GPC5: variants seen among roughly 807,000 people sequenced by gnomAD.
GPC5 encodes the protein glypican 5.
GPC5 carries 47 observed loss-of-function variants against 53.9 expected under a neutral mutation model. The observed-to-expected ratio is 0.87, with a 90% confidence interval of 0.69 to 1.11. The LOEUF (loss-of-function observed/expected upper bound fraction) is 1.11. Among genes scored for constraint, GPC5 ranks in the 50% most tolerant of loss-of-function variants. The probability of loss-of-function intolerance (pLI) is 0.00; values close to 1 mark genes in which losing one functional copy is unlikely to be tolerated. For synonymous variants in GPC5, 286 were observed against 263.3 expected, an observed-to-expected ratio of 1.09 and a Z score of -0.84; for missense variants, 748 against 713.1, an observed-to-expected ratio of 1.05 and a Z score of -0.56.
chr13:91,411,557 A>G (rs550080790), intron 1 of GPC5, among the ~76,000 whole-genome samples: 3 of 152,266 alleles, frequency 2.0e-5, no homozygotes, highest in African/African-American at 7.2e-5. Context: ...CATAGGTCTC[A>G]CCTTTATAGA....
intron 4 of GPC5, among the ~76,000 whole-genome samples, chr13:91,751,415 T>C (rs2037174166): frequency 6.6e-6 from 1 of 152,224 alleles, no homozygotes; most frequent in African/African-American, 2.4e-5. Context: ...AACAATAACA[T>C]TGTGTTTCTG....
chr13:92,436,811 A>T (rs1877324102), intron 7 of GPC5, among the ~76,000 whole-genome samples: 1 of 152,146 alleles, frequency 6.6e-6, no homozygotes, highest in Non-Finnish European at 1.5e-5. Flanking sequence ...CATTGTGACT[A>T]ATTTATCCTT....
chr13:92,475,274 T>G (rs1160184713), intron 7 of GPC5, among the ~76,000 whole-genome samples: 1 of 147,666 alleles, frequency 6.8e-6, no homozygotes, highest in Non-Finnish European at 1.5e-5. Flanking sequence ...TGGCATTGAA[T>G]CTGTAAATTA....
intron 2 of GPC5, among the ~76,000 whole-genome samples, chr13:91,628,476 A>ATCTGTCTGTCTG (rs1030798499): frequency 6.1e-4 from 24 of 39,288 alleles, no homozygotes; most frequent in African/African-American, 1.0e-3. Context: ...TATCATTTGT[A>ATCTGTCTGTCTG]TCTATCTGTC....
At chr13:91,543,176 A>G (rs1250950355) in intron 2 of GPC5, among the ~76,000 whole-genome samples, 2 of 151,722 alleles carry the variant, frequency 1.3e-5, no homozygotes, top group Non-Finnish European at 2.9e-5. Flanking sequence ...TATTTTTAAT[A>G]GAGACCTGGA....
At chr13:92,087,923 T>A (rs1393718770) in intron 6 of GPC5, among the ~76,000 whole-genome samples, 1 of 151,654 alleles carries the variant, frequency 6.6e-6, no homozygotes, top group Non-Finnish European at 1.5e-5. Context: ...TGCTATTCTC[T>A]AGCTTCCAAC....
chr13:92,094,112 C>T (rs542633786), intron 6 of GPC5, among the ~76,000 whole-genome samples: 39 of 152,062 alleles, frequency 2.6e-4, no homozygotes, highest in East Asian at 5.8e-4. Context: ...TCAATTATTA[C>T]GCCAATGATT....
rs573454400 is a variant in GPC5 at position 91,921,063 on chromosome 13, A to G, written c.1401+13006A>G. 4.7e-5 allele frequency among the ~76,000 whole-genome samples: 7 copies of G among 148,606 alleles called. No homozygotes were observed. The South Asian group carries it at 1.3e-3, about 27-fold the overall frequency. ...GTGATTCTTAAGCCTCAGCCTCCCC[A>G]GTAGCTGTGATTACAGAAGTGCACC... is the stretch of plus-strand genomic sequence containing the variant. On this transcript the variant is annotated intron_variant, in intron 6 of 7. Coordinates refer to ENST00000377067, the MANE Select transcript of GPC5 (RefSeq NM_004466.6).
At chr13:91,539,169 A>G (rs972859295) in intron 2 of GPC5, among the ~76,000 whole-genome samples, 7 of 152,200 alleles carry the variant, frequency 4.6e-5, no homozygotes, top group Non-Finnish European at 1.0e-4. Context: ...TCTTTTTGAA[A>G]ATTATGCTTT....
In GPC5 at chr13:91,478,770, G is replaced by A. The variant is rs1181991799; in HGVS notation, c.325+29848G>A. Among the ~76,000 whole-genome samples, 10 of 130,076 alleles carry A rather than the reference G, an allele frequency of 7.7e-5. 1 individual carries two copies. Among genetic ancestry groups the A allele is most frequent in the Admixed American group, 5.9e-4 (7 of 11,922 alleles). The allele number at this position is 130,076 out of a possible 152,430, so 85.3% of individuals were successfully genotyped here. On this transcript the variant is annotated intron_variant, in intron 2 of 7. Coordinates refer to ENST00000377067, the MANE Select transcript of GPC5 (RefSeq NM_004466.6). Reference sequence around the variant, plus strand: ...TGCTCACTAGCAATGTGGCTTTGGTGAAGTTACTTATCCTCCATTTGAGTT... The same window carrying A: ...TGCTCACTAGCAATGTGGCTTTGGTAAAGTTACTTATCCTCCATTTGAGTT...
intron 2 of GPC5, among the ~76,000 whole-genome samples, chr13:91,531,366 T>G (rs891012186): frequency 6.6e-6 from 1 of 151,500 alleles, no homozygotes; most frequent in African/African-American, 2.4e-5. Context: ...GCGAAGAACA[T>G]AGGGGTTTTT....
intron 7 of GPC5, among the ~76,000 whole-genome samples, chr13:92,798,629 T>G (rs569024628): frequency 9.2e-5 from 14 of 151,998 alleles, no homozygotes; most frequent in Non-Finnish European, 1.9e-4. Context: ...TATCTGTTTC[T>G]AATTTAATGT....
At chr13:91,631,733 A>G (rs1446569657) in intron 2 of GPC5, among the ~76,000 whole-genome samples, 7 of 152,234 alleles carry the variant, frequency 4.6e-5, no homozygotes, top group Non-Finnish European at 8.8e-5. Flanking sequence ...TTATGGACTC[A>G]AGGAGGAACC....
At chr13:92,421,722 T>TAAAAAAAAAAAAAAAAAAAAAAAAAAA (rs1876578193) in intron 7 of GPC5, among the ~76,000 whole-genome samples, 1 of 112,114 alleles carries the variant, frequency 8.9e-6, no homozygotes, top group African/African-American at 3.9e-5. Flanking sequence ...AAAAAAAAAG[T>TAAAAAAAAAAAAAAAAAAAAAAAAAAA]TTAATTGGCT....
intron 7 of GPC5, among the ~76,000 whole-genome samples, chr13:92,715,975 T>C (rs1443442000): frequency 6.6e-6 from 1 of 152,238 alleles, no homozygotes; most frequent in East Asian, 1.9e-4. Flanking sequence ...ACATGTAGTT[T>C]ACTTATTATT....
intron 7 of GPC5, among the ~76,000 whole-genome samples, chr13:92,433,105 T>A (rs1877165657): frequency 6.6e-6 from 1 of 152,158 alleles, no homozygotes; most frequent in Admixed American, 6.5e-5. Flanking sequence ...CTAAGCATGT[T>A]TATTTGCTGA....
At chr13:92,182,510 T>C (rs1039528100) in intron 7 of GPC5, among the ~76,000 whole-genome samples, 3 of 152,228 alleles carry the variant, frequency 2.0e-5, no homozygotes, top group Non-Finnish European at 4.4e-5. Flanking sequence ...TTTAAGTAGA[T>C]ACAAAATGTA....
At chr13:92,560,743 G>A (rs1882666208) in intron 7 of GPC5, among the ~76,000 whole-genome samples, 1 of 151,852 alleles carries the variant, frequency 6.6e-6, no homozygotes, top group Admixed American at 6.6e-5. Context: ...CTGGCTGCTG[G>A]GATATGCCAT....
At chr13:92,551,126 T>C (rs1205195672) in intron 7 of GPC5, among the ~76,000 whole-genome samples, 2 of 151,830 alleles carry the variant, frequency 1.3e-5, no homozygotes, top group Non-Finnish European at 2.9e-5. Context: ...CCAGAATTAT[T>C]TGTATTCTGA....
Sources: gnomAD v4.1 joint callset for allele counts (sites outside exome capture counted in the v4.1 genomes callset) on GRCh38, gnomAD v4.1.1 for gene constraint, MANE v1.5 for transcripts, NCBI Gene and HGNC (gene_info 2026-07-23, HGNC 2026-07-21) for gene names.